Variants in ACAD10 observed in about 807,000 individuals in gnomAD.
ACAD10 encodes ACAD-10.
Under a neutral mutation model 116.8 loss-of-function variants are expected in ACAD10, and 112 were observed. The ratio of observed to expected loss-of-function variants is 0.96; its 90% CI spans 0.82 to 1.12. The LOEUF (loss-of-function observed/expected upper bound fraction) is 1.12. Among genes scored for constraint, ACAD10 ranks in the 50% most tolerant of loss-of-function variants. ACAD10 has a pLI of 0.00. For missense variants in ACAD10, 1,259 were observed against 1,350.2 expected (o/e 0.93, Z 1.06); for synonymous variants, 486 against 510.6 (o/e 0.95, Z 0.65).
At chr12:111,705,982 T>G (rs1404686103) in intron 4 of ACAD10, 50 bp downstream of exon 4, 2 of 1,584,244 alleles carry the variant, frequency 1.3e-6, no homozygotes, top group African/African-American at 2.7e-5. Flanking sequence ...GTGCCCTCGC[T>G]TCAGGGTGCA....
At chr12:111,710,118 C>A in intron 5 of ACAD10, 1 of 269,866 alleles carries the variant, frequency 3.7e-6, no homozygotes. Flanking sequence ...CATACAGGGT[C>A]TTGTTATGTC....
intron 18 of ACAD10, 70 bp downstream of exon 18, chr12:111,749,415 T>G: frequency 6.5e-7 from 1 of 1,541,644 alleles, no homozygotes; most frequent in Non-Finnish European, 8.7e-7. Context: ...CGGACTTCAA[T>G]TCCTACCTGT....
Position 111,692,872 on chromosome 12 carries a change from C to A in ACAD10, c.163C>A (p.Pro55Thr). ...VIFDMGGVLIPSPGRVAAEWE... is the reference protein window; with the variant it reads ...VIFDMGGVLITSPGRVAAEWE... Reference sequence around the variant, plus strand: ...TTTCGACATGGGCGGAGTTCTCATTCCTTCTCCAGGGAGAGTCGCTGCAGG... The same window carrying A: ...TTTCGACATGGGCGGAGTTCTCATTACTTCTCCAGGGAGAGTCGCTGCAGG... The change falls in exon 2 of 21, where the codon CCT (proline) becomes ACT (threonine). Residue 55 changes from proline to threonine, a missense_variant. Transcript: ENST00000313698. 1 of 1,614,136 alleles carries A rather than the reference C, an allele frequency of 6.2e-7. No homozygotes were observed. Among genetic ancestry groups the A allele is most frequent in the Non-Finnish European group, 8.5e-7 (1 of 1,180,000 alleles).
Position 111,729,952 on chromosome 12 carries a change from T to A in ACAD10, c.1390T>A (p.Phe464Ile), listed in dbSNP as rs753056489. The A allele has an allele frequency of 1.9e-6, 3 of 1,613,466 alleles. No individual in the cohort carries two copies. The highest frequency in any genetic ancestry group is 2.2e-5 in the East Asian group (1 of 44,840). The change falls in exon 10 of 21, where the codon TTC (phenylalanine) becomes ATC (isoleucine). Residue 464 changes from phenylalanine (F) to isoleucine (I), a missense_variant. Transcript: ENST00000313698. Reference sequence around the variant, plus strand: ...GAGGACCACAGTGGTGCACGGGGACTTCAGGTAGATGTGGTGGCAGGGAGA... The same window carrying A: ...GAGGACCACAGTGGTGCACGGGGACATCAGGTAGATGTGGTGGCAGGGAGA... ...QQRTTVVHGD[F>I]RLDNLVFHPE...
intron 2 of ACAD10, among the ~76,000 whole-genome samples, chr12:111,700,200 A>C (rs1390604400): frequency 6.6e-6 from 1 of 152,148 alleles, no homozygotes; most frequent in Non-Finnish European, 1.5e-5. Flanking sequence ...AAAAAAATAG[A>C]TAGGAGACAG....
At chr12:111,717,594 G>C (rs1888881399) in intron 7 of ACAD10, among the ~76,000 whole-genome samples, 1 of 149,970 alleles carries the variant, frequency 6.7e-6, no homozygotes, top group Non-Finnish European at 1.5e-5. Context: ...TTTAGGCAGA[G>C]TGTCACTATT....
chr12:111,711,687 T>C (rs1294685612), intron 5 of ACAD10, among the ~76,000 whole-genome samples: 1 of 151,736 alleles, frequency 6.6e-6, no homozygotes, highest in Non-Finnish European at 1.5e-5. Flanking sequence ...TAATTTTTTG[T>C]ATTTTTAGTA....
intron 8 of ACAD10, among the ~76,000 whole-genome samples, chr12:111,723,724 G>A (rs1313834594): frequency 6.7e-6 from 1 of 149,386 alleles, no homozygotes; most frequent in Non-Finnish European, 1.5e-5. Context: ...GTGGCTGCCC[G>A]GCGGAGACGC....
intron 10 of ACAD10, among the ~76,000 whole-genome samples, chr12:111,730,322 C>T (rs1889350330): frequency 6.6e-6 from 1 of 152,150 alleles, no homozygotes; most frequent in Admixed American, 6.5e-5. Context: ...GAAAGTAAGG[C>T]AGAGTCTATG....
At chr12:111,745,154 T>C in intron 13 of ACAD10, 111 bp downstream of exon 13, 1 of 1,198,114 alleles carries the variant, frequency 8.3e-7, no homozygotes, top group Non-Finnish European at 1.1e-6. Flanking sequence ...GAGCTCCGAG[T>C]TGAATGATCT....
intron 7 of ACAD10, among the ~76,000 whole-genome samples, chr12:111,720,601 C>G (rs747860401): frequency 6.6e-6 from 1 of 152,072 alleles, no homozygotes; most frequent in Non-Finnish European, 1.5e-5. Context: ...ATTAAAGTAG[C>G]CTCACCAGCT....
rs2135961165 is a variant in ACAD10, at chr12:111,715,941, A to G, written c.971A>G (p.His324Arg). Residue 324 changes from histidine (H) to arginine (R), a missense_variant, in exon 7 of 21, where the codon CAT becomes CGT. Physicochemically the swap from His to Arg is conservative, Grantham distance 29. Coordinates refer to ENST00000313698, the MANE Select transcript of ACAD10 (RefSeq NM_025247.6). ...KPPGTLLPSAHAIEREFRIMK... is the reference protein window; with the variant it reads ...KPPGTLLPSARAIEREFRIMK... Reference sequence around the variant, plus strand: ...CCAGGGACACTCCTTCCATCTGCCCATGCCATAGAGAGGGAGTTCAGGTAA... The same window carrying G: ...CCAGGGACACTCCTTCCATCTGCCCGTGCCATAGAGAGGGAGTTCAGGTAA... 3 of 1,614,036 alleles carry G rather than the reference A, an allele frequency of 1.9e-6. No individual in the cohort carries two copies. Among genetic ancestry groups the G allele is most frequent in the African/African-American group, 1.3e-5 (1 of 75,040 alleles).
chr12:111,747,664 CT>C, intron 16 of ACAD10: 2 of 1,241,188 alleles, frequency 1.6e-6, no homozygotes, highest in Non-Finnish European at 2.0e-6. Context: ...TCTCCACTTC[CT>C]GCTGTTCATT....
chr12:111,753,840 G>A lies in ACAD10; in HGVS notation c.2886G>A (p.Gln962=), dbSNP rs1890137719. 2.5e-6 allele frequency: 4 copies of A among 1,614,030 alleles called. No homozygotes were observed. In the East Asian group the frequency reaches 8.9e-5, roughly 36 times the overall value. Reference sequence around the variant, plus strand: ...GCACAGTGCTGGCGGACATCGCGCAGTCGCGCGTGGAGATTGAGCAGGCAC... The same window carrying A: ...GCACAGTGCTGGCGGACATCGCGCAATCGCGCGTGGAGATTGAGCAGGCAC... The part of the protein sequence containing the change: ...EQGTVLADIA[Q]SRVEIEQARL... The change falls in exon 19 of 21, where the codon CAG becomes CAA. Residue 962 remains glutamine, a synonymous_variant. Coordinates refer to ENST00000313698, the MANE Select transcript of ACAD10 (RefSeq NM_025247.6).
At position 111,692,848 on chromosome 12, in the gene ACAD10, T is replaced by C. The variant is rs376472877; in HGVS notation, c.139T>C (p.Phe47Leu). ...LGGSTYRAVI[F>L]DMGGVLIPSP... is the part of the protein sequence containing the mutation. ...AGGCAGCACCTACAGAGCGGTGATT[T>C]TCGACATGGGCGGAGTTCTCATTCC... is the stretch of plus-strand genomic sequence containing the variant. Residue 47 changes from phenylalanine to leucine, a missense_variant, in exon 2 of 21, where the codon TTC becomes CTC. Physicochemically the swap from Phe to Leu is conservative, Grantham distance 22. Coordinates refer to ENST00000313698, the MANE Select transcript of ACAD10 (RefSeq NM_025247.6). The C allele has an allele frequency of 6.8e-6, 11 of 1,614,060 alleles. No individual in the cohort carries two copies. The African/African-American group carries it at 1.1e-4, about 16-fold the overall frequency.
intron 15 of ACAD10, 43 bp downstream of exon 15, chr12:111,747,229 T>C (rs1229302214): frequency 6.2e-7 from 1 of 1,610,130 alleles, no homozygotes; most frequent in Admixed American, 1.7e-5. Context: ...GCCCTGTTGT[T>C]GTCGGCCCCA....
chr12:111,698,493 T>C (rs1888254382), intron 2 of ACAD10, among the ~76,000 whole-genome samples: 1 of 151,824 alleles, frequency 6.6e-6, no homozygotes, highest in African/African-American at 2.4e-5. Context: ...CTTTTTTTTT[T>C]TGAGACAGAC....
intron 2 of ACAD10, among the ~76,000 whole-genome samples, chr12:111,699,690 T>C (rs1406887751): frequency 6.6e-6 from 1 of 152,084 alleles, no homozygotes; most frequent in Non-Finnish European, 1.5e-5. Flanking sequence ...GAGGCCGAGG[T>C]GGGAGACTGT....
chr12:111,749,111 A>G, intron 17 of ACAD10, 62 bp from the exon 18 acceptor site: 1 of 1,613,948 alleles, frequency 6.2e-7, no homozygotes, highest in South Asian at 1.1e-5. Context: ...GAGGTGAGGA[A>G]TAAACACATC....
Sources: allele counts gnomAD v4.1 joint callset (sites outside exome capture counted in the v4.1 genomes callset), GRCh38; gene constraint gnomAD v4.1.1; transcripts MANE v1.5; gene names NCBI Gene and HGNC (gene_info 2026-07-23, HGNC 2026-07-21).